SLCO5A1: variants seen among roughly 807,000 people sequenced by gnomAD.
The protein encoded by SLCO5A1 is solute carrier organic anion transporter family member 5A1.
In SLCO5A1, 39 loss-of-function variants were observed where a neutral mutation model predicts 65.1. The ratio of observed to expected loss-of-function variants is 0.60; its 90% CI spans 0.46 to 0.78. The LOEUF (loss-of-function observed/expected upper bound fraction) is 0.78, where lower values mean the gene tolerates loss of function less well. SLCO5A1 is among the 30% of genes least tolerant of loss of function. The pLI, the probability that SLCO5A1 is intolerant of heterozygous loss-of-function variation, is 0.00. For synonymous variants in SLCO5A1, 438 were observed against 415.7 expected, an observed-to-expected ratio of 1.05 and a Z score of -0.65; for missense variants, 1,029 against 1,069.4, an observed-to-expected ratio of 0.96 and a Z score of 0.53.
At chr8:69,795,730 T>C (rs1274268421) in intron 2 of SLCO5A1, among the ~76,000 whole-genome samples, 1 of 152,210 alleles carries the variant, frequency 6.6e-6, no homozygotes, top group Non-Finnish European at 1.5e-5. Flanking sequence ...ATGGGGACTT[T>C]GTGTGGGGGC....
intron 4 of SLCO5A1, among the ~76,000 whole-genome samples, chr8:69,742,325 C>A (rs1025067853): frequency 5.9e-5 from 9 of 152,054 alleles, no homozygotes; most frequent in African/African-American, 2.2e-4. Context: ...AGATCAGTTT[C>A]TTGGTGTCAT....
rs199597398 is a variant in SLCO5A1, at chr8:69,832,582, T to A, written c.92A>T (p.Glu31Val). The change falls in exon 2 of 10, where the codon GAG becomes GTG. Residue 31 changes from glutamate to valine, a missense_variant. By Grantham distance (121) the Glu-to-Val change is moderately radical. Transcript: ENST00000260126. This position sits in a 1 kb window ranked among gnomAD's most constrained non-coding sequence, Gnocchi z 4.5. ...CGGTAAACTCTTAGACCTGAGGGTC[T>A]CCGGCTCGCACCTCTCTTGGACAGC... is the stretch of plus-strand genomic sequence containing the variant. ...AEAVQERCEP[E>V]TLRSKSLPVL... 23 of 1,612,918 alleles carry A rather than the reference T, an allele frequency of 1.4e-5. No individual in the cohort carries two copies. In the East Asian group the frequency reaches 4.9e-4, roughly 34 times the overall value.
chr8:69,667,053 C>T lies in SLCO5A1; in HGVS notation c.*5816G>A, dbSNP rs963262884. 1 of 152,110 alleles carries T rather than the reference C, an allele frequency of 6.6e-6. No homozygotes were observed. Among genetic ancestry groups the T allele is most frequent in the Non-Finnish European group, 1.5e-5 (1 of 68,026 alleles). 9.4% of individuals were successfully genotyped at this position (152,110 alleles called of 1,614,324 possible). ...GTTCTAGAAACAATTTCATTTCAGT[C>T]CAACACACTTTATTCATTTTTAACT... is the stretch of plus-strand genomic sequence containing the variant. On this transcript the variant is annotated 3_prime_UTR_variant, in exon 10 of 10. Transcript: ENST00000260126.
At chr8:69,764,141 A>G (rs1191388178) in intron 2 of SLCO5A1, among the ~76,000 whole-genome samples, 1 of 152,148 alleles carries the variant, frequency 6.6e-6, no homozygotes, top group Non-Finnish European at 1.5e-5. Context: ...GAGATTACAG[A>G]CGTGAGTCAC....
intron 2 of SLCO5A1, among the ~76,000 whole-genome samples, chr8:69,766,834 T>G (rs950787568): frequency 1.3e-5 from 2 of 152,190 alleles, no homozygotes; most frequent in Non-Finnish European, 1.5e-5. Context: ...CTCACTGCTA[T>G]GTCCCCAGTG....
rs911386428 is a variant in SLCO5A1, at chr8:69,787,974, A to G, written c.908-26099T>C. 1.5e-4 allele frequency among the ~76,000 whole-genome samples: 23 copies of G among 152,280 alleles called. 1 individual carries two copies. Among genetic ancestry groups the G allele is most frequent in the Admixed American group, 9.2e-4 (14 of 15,292 alleles). The stretch of plus-strand genomic sequence containing the variant: ...ACCCCTCTCCCAAATCATGAATCAA[A>G]CCCAATATTGTTATTAGCCCATTCT... On this transcript the variant is annotated intron_variant, in intron 2 of 9. Transcript: ENST00000260126.
At chr8:69,674,368 G>C (rs1813462610) in intron 9 of SLCO5A1, among the ~76,000 whole-genome samples, 1 of 152,216 alleles carries the variant, frequency 6.6e-6, no homozygotes, top group Non-Finnish European at 1.5e-5. Context: ...CAGAAAGGAA[G>C]GCAGAGAGGA....
At chr8:69,827,768 G>A (rs78007205) in intron 2 of SLCO5A1, among the ~76,000 whole-genome samples, 1,813 of 152,220 alleles carry the variant, frequency 0.012, 22 homozygotes, top group East Asian at 0.042. Context: ...CATCATAATT[G>A]GTCAATACTG....
intron 9 of SLCO5A1, among the ~76,000 whole-genome samples, chr8:69,674,872 A>AAC (rs199731742): frequency 0.048 from 6,954 of 145,230 alleles, 557 homozygotes; most frequent in African/African-American, 0.18. Context: ...AAAAAAAACA[A>AAC]AAAAAAAAAA....
At chr8:69,764,802 C>T (rs1027608622) in intron 2 of SLCO5A1, among the ~76,000 whole-genome samples, 4 of 152,144 alleles carry the variant, frequency 2.6e-5, no homozygotes, top group Non-Finnish European at 5.9e-5. Context: ...ATGAATCATT[C>T]TCCCAAAATA....
At chr8:69,701,307 G>GC (rs796946126) in intron 6 of SLCO5A1, among the ~76,000 whole-genome samples, 51 of 152,048 alleles carry the variant, frequency 3.4e-4, no homozygotes, top group African/African-American at 1.2e-3. Context: ...AAATTCTAAG[G>GC]CCCCCCAACC....
At chr8:69,756,224 G>A (rs1022501372) in intron 3 of SLCO5A1, among the ~76,000 whole-genome samples, 55 of 152,222 alleles carry the variant, frequency 3.6e-4, no homozygotes, top group Admixed American at 3.5e-3. Flanking sequence ...GGCCAACATG[G>A]TGAAACCCTG....
At position 69,671,404 on chromosome 8, in the gene SLCO5A1, G is replaced by GA. The variant is rs1813324877; in HGVS notation, c.*1464dup. ...CTCCATGACCATAGGCTCCTTGGCA[G>GA]AAAAAGTTCACAATTATATCAGCAT... is the stretch of plus-strand genomic sequence containing the variant. On this transcript the variant is annotated 3_prime_UTR_variant, in exon 10 of 10. Coordinates refer to ENST00000260126, the MANE Select transcript of SLCO5A1 (RefSeq NM_030958.3). 6.6e-6 allele frequency: 1 copy of GA among 152,166 alleles called. No homozygotes were observed. Among genetic ancestry groups the GA allele is most frequent in the African/African-American group, 2.4e-5 (1 of 41,432 alleles). 9.4% of individuals were successfully genotyped at this position (152,166 alleles called of 1,614,324 possible).
At chr8:69,802,504 T>C (rs1819785602) in intron 2 of SLCO5A1, among the ~76,000 whole-genome samples, 1 of 145,190 alleles carries the variant, frequency 6.9e-6, no homozygotes, top group African/African-American at 2.5e-5. Flanking sequence ...AGCAAGACCC[T>C]ATTTCAAAAA....
At chr8:69,797,537 T>C (rs562513490) in intron 2 of SLCO5A1, among the ~76,000 whole-genome samples, 1 of 152,242 alleles carries the variant, frequency 6.6e-6, no homozygotes, top group South Asian at 2.1e-4. Flanking sequence ...ATGGGAGAAA[T>C]ATTGCTGAAT....
At position 69,667,189 on chromosome 8, in the gene SLCO5A1, T is replaced by A. The variant is rs1045807943; in HGVS notation, c.*5680A>T. 2 of 152,186 alleles carry A rather than the reference T, an allele frequency of 1.3e-5. No individual in the cohort carries two copies. The highest frequency in any genetic ancestry group is 2.4e-5 in the African/African-American group (1 of 41,450). The allele number at this position is 152,186 out of a possible 1,614,324, so 9.4% of individuals were successfully genotyped here. ...AAATTATACATCTTTTAAATTACCT[T>A]AAAAAGTCTCCAAATGAATATCATT... On this transcript the variant is annotated 3_prime_UTR_variant, in exon 10 of 10. Transcript: ENST00000260126.
chr8:69,708,894 G>A (rs749284658), intron 5 of SLCO5A1, among the ~76,000 whole-genome samples: 4 of 151,988 alleles, frequency 2.6e-5, no homozygotes, highest in Non-Finnish European at 4.4e-5. Flanking sequence ...GTGACAGAGT[G>A]AGACTCCATC....
chr8:69,804,857 C>T (rs545095015), intron 2 of SLCO5A1, among the ~76,000 whole-genome samples: 6 of 152,270 alleles, frequency 3.9e-5, no homozygotes, highest in East Asian at 1.9e-4. Context: ...GAGTCCTATT[C>T]GTGAGTTTCT....
intron 5 of SLCO5A1, among the ~76,000 whole-genome samples, chr8:69,715,496 G>A (rs1227067076): frequency 2.0e-5 from 3 of 152,136 alleles, no homozygotes; most frequent in South Asian, 2.1e-4. Context: ...AGCAGTCCTC[G>A]GAGCTTTTCC....
Sources: gnomAD v4.1 joint callset for allele counts (sites outside exome capture counted in the v4.1 genomes callset) on GRCh38, gnomAD v4.1.1 for gene constraint, Gnocchi (gnomAD v3.1) non-coding constraint, MANE v1.5 for transcripts, NCBI Gene and HGNC (gene_info 2026-07-23, HGNC 2026-07-21) for gene names.